Variants in STPG2 observed in about 807,000 individuals in gnomAD.
The protein encoded by STPG2 is sperm-tail PG-rich repeat-containing protein 2.
STPG2 carries 56 observed loss-of-function variants against 54.2 expected under a neutral mutation model. The observed-to-expected ratio is 1.03, with a 90% CI of 0.83 to 1.29. The LOEUF is 1.29. STPG2 is among the 50% of genes most tolerant of loss of function. The probability of loss-of-function intolerance (pLI) is 0.00; values close to 1 mark genes in which losing one functional copy is unlikely to be tolerated. For synonymous variants in STPG2, 200 were observed against 181.8 expected (o/e 1.10, Z -0.81); for missense variants, 596 against 544.9 (o/e 1.09, Z -0.93).
rs148823021 is a variant in STPG2 at position 98,012,795 on chromosome 4, G to A, written c.613-31477C>T. Among the ~76,000 whole-genome samples, 1,284 of 152,308 alleles carry A rather than the reference G, an allele frequency of 8.4e-3. 4 individuals are homozygous for A. The highest frequency in any genetic ancestry group is 0.015 in the Non-Finnish European group (988 of 68,022). On this transcript the variant is annotated intron_variant, in intron 5 of 10. Coordinates refer to ENST00000295268, the MANE Select transcript of STPG2 (RefSeq NM_174952.3). ...GAAATGCTTGTGATTTTTGCACACT[G>A]ATTTTGTATCCTGAGACTTTGCTGA...
At chr4:98,018,851 T>A (rs1736066857) in intron 5 of STPG2, among the ~76,000 whole-genome samples, 2 of 152,008 alleles carry the variant, frequency 1.3e-5, no homozygotes, top group Non-Finnish European at 2.9e-5. Context: ...CTTTGCCCAC[T>A]TTTTGATGGG....
At chr4:97,739,619 A>G (rs1725149912) in intron 9 of STPG2, among the ~76,000 whole-genome samples, 1 of 152,242 alleles carries the variant, frequency 6.6e-6, no homozygotes, top group African/African-American at 2.4e-5. Flanking sequence ...TCTTGAAGAA[A>G]TGGATAAATT....
intron 9 of STPG2, among the ~76,000 whole-genome samples, chr4:97,807,688 T>C (rs1727614016): frequency 6.6e-6 from 1 of 151,806 alleles, no homozygotes; most frequent in South Asian, 2.1e-4. Context: ...TTATTTGGAA[T>C]TGAAAAGTGG....
chr4:97,663,140 A>G (rs1722423690), intron 10 of STPG2, among the ~76,000 whole-genome samples: 1 of 152,128 alleles, frequency 6.6e-6, no homozygotes, highest in South Asian at 2.1e-4. Context: ...TATCTATATC[A>G]TAGTATTATT....
intron 10 of STPG2, among the ~76,000 whole-genome samples, chr4:97,674,766 T>C (rs1356871062): frequency 2.0e-5 from 3 of 152,176 alleles, no homozygotes; most frequent in African/African-American, 7.2e-5. Context: ...ATTCAAAATA[T>C]GTATTTTCAA....
At chr4:97,977,142 C>T (rs567026549) in intron 6 of STPG2, among the ~76,000 whole-genome samples, 2 of 152,266 alleles carry the variant, frequency 1.3e-5, no homozygotes, top group South Asian at 4.1e-4. Flanking sequence ...AGACCCCTTG[C>T]CTCTCCACTA....
chr4:97,468,573 T>C (rs1026305777), intron 4 of STPG2, among the ~76,000 whole-genome samples: 7 of 152,026 alleles, frequency 4.6e-5, no homozygotes, highest in African/African-American at 1.7e-4. Flanking sequence ...GCTCTGTATC[T>C]GGCACCTTCG....
intron 3 of STPG2, among the ~76,000 whole-genome samples, chr4:98,122,906 T>C (rs1438790270): frequency 2.0e-5 from 3 of 152,184 alleles, no homozygotes; most frequent in Non-Finnish European, 4.4e-5. Flanking sequence ...ATTCAACTTC[T>C]TCCTGGTTCA....
chr4:97,465,569 C>A (rs187827744), intron 4 of STPG2, among the ~76,000 whole-genome samples: 40 of 151,846 alleles, frequency 2.6e-4, no homozygotes, highest in Non-Finnish European at 5.4e-4. Flanking sequence ...ATACAGTATT[C>A]TCTTGTATCC....
chr4:97,749,283 A>G (rs1725511033), intron 9 of STPG2, among the ~76,000 whole-genome samples: 1 of 151,700 alleles, frequency 6.6e-6, no homozygotes, highest in Non-Finnish European at 1.5e-5. Context: ...CACCCTTTAT[A>G]TCTTTGTCAT....
chr4:97,758,408 G>A (rs1725793117), intron 9 of STPG2, among the ~76,000 whole-genome samples: 2 of 152,184 alleles, frequency 1.3e-5, no homozygotes, highest in Admixed American at 1.3e-4. Flanking sequence ...TAAGGAAAAT[G>A]TGGCACATAT....
intron 8 of STPG2, among the ~76,000 whole-genome samples, chr4:97,856,873 T>A (rs1198319703): frequency 6.6e-6 from 1 of 152,182 alleles, no homozygotes; most frequent in Non-Finnish European, 1.5e-5. Context: ...CATGAAGAGA[T>A]GTTGAGTTTT....
At chr4:97,453,118 G>A (rs1483896345) in intron 4 of STPG2, among the ~76,000 whole-genome samples, 3 of 152,222 alleles carry the variant, frequency 2.0e-5, no homozygotes, top group Non-Finnish European at 4.4e-5. Context: ...AGACTTGGGA[G>A]CTCCCTGAGC....
chr4:97,987,488 A>T (rs1473400125), intron 5 of STPG2, among the ~76,000 whole-genome samples: 2 of 152,188 alleles, frequency 1.3e-5, no homozygotes, highest in Admixed American at 6.5e-5. Flanking sequence ...TTTATAACAG[A>T]TAAGAATTAA....
chr4:97,843,316 A>T (rs912701121), intron 8 of STPG2, among the ~76,000 whole-genome samples: 1 of 151,828 alleles, frequency 6.6e-6, no homozygotes, highest in African/African-American at 2.4e-5. Flanking sequence ...TCTGGCTCTC[A>T]TCTTCCTGGT....
intron 4 of STPG2, among the ~76,000 whole-genome samples, chr4:97,443,344 A>G (rs999973609): frequency 6.6e-6 from 1 of 152,194 alleles, no homozygotes; most frequent in South Asian, 2.1e-4. Flanking sequence ...AAACTAAATT[A>G]CAAAGAAAAA....
intron 8 of STPG2, among the ~76,000 whole-genome samples, chr4:97,904,910 A>G (rs1276643575): frequency 1.3e-5 from 2 of 152,192 alleles, no homozygotes; most frequent in Admixed American, 6.5e-5. Flanking sequence ...TTAGAGAAAA[A>G]GAATAAAAAG....
intron 9 of STPG2, among the ~76,000 whole-genome samples, chr4:97,739,782 G>A (rs1208029245): frequency 4.6e-5 from 7 of 151,678 alleles, no homozygotes; most frequent in Non-Finnish European, 1.0e-4. Flanking sequence ...TTCTACCAGA[G>A]GTACAGGGAG....
chr4:97,796,215 T>G (rs1159508674), intron 9 of STPG2, among the ~76,000 whole-genome samples: 1 of 152,218 alleles, frequency 6.6e-6, no homozygotes, highest in Non-Finnish European at 1.5e-5. Context: ...TTAGATCCCA[T>G]TTGTCAATTT....
Sources: gnomAD v4.1 joint callset for allele counts (sites outside exome capture counted in the v4.1 genomes callset) on GRCh38, gnomAD v4.1.1 for gene constraint, MANE v1.5 for transcripts, NCBI Gene and HGNC (gene_info 2026-07-23, HGNC 2026-07-21) for gene names.